Variants in FAM193A observed in about 807,000 individuals in gnomAD.
The protein encoded by FAM193A is protein FAM193A.
Under a neutral mutation model 126.5 loss-of-function variants are expected in FAM193A, and 22 were observed. The ratio of observed to expected loss-of-function variants is 0.17; its 90% confidence interval spans 0.12 to 0.25. The LOEUF is 0.25. Ranked by LOEUF, FAM193A falls within the 10% of genes least tolerant of loss-of-function variation. FAM193A has a pLI of 1.00. For synonymous variants in FAM193A, 761 were observed against 646.8 expected, an observed-to-expected ratio of 1.18 and a Z score of -2.68; for missense variants, 1,675 against 1,672.8, an observed-to-expected ratio of 1.00 and a Z score of -0.02.
intron 12 of FAM193A, among the ~76,000 whole-genome samples, chr4:2,666,479 C>A (rs988948985): frequency 6.6e-6 from 1 of 152,114 alleles, no homozygotes; most frequent in Non-Finnish European, 1.5e-5. Context: ...AGTTTCCTAT[C>A]TTTGTGATGT....
chr4:2,670,158 T>G (rs1713627713), intron 12 of FAM193A, among the ~76,000 whole-genome samples: 1 of 152,196 alleles, frequency 6.6e-6, no homozygotes, highest in Non-Finnish European at 1.5e-5. Flanking sequence ...CTAGATCAGT[T>G]CCATTGCTCT....
chr4:2,578,672 C>T (rs550660925), intron 1 of FAM193A, among the ~76,000 whole-genome samples: 44 of 152,224 alleles, frequency 2.9e-4, no homozygotes, highest in African/African-American at 1.1e-3. Flanking sequence ...TACTAATAGC[C>T]TACTGTTGAC....
chr4:2,667,959 G>T (rs1448885106), intron 12 of FAM193A, among the ~76,000 whole-genome samples: 3 of 152,046 alleles, frequency 2.0e-5, no homozygotes, highest in Non-Finnish European at 4.4e-5. Context: ...GCTGGAGTGG[G>T]GTGGCATCAT....
intron 1 of FAM193A, among the ~76,000 whole-genome samples, chr4:2,570,973 TCA>T (rs1396457014): frequency 6.6e-6 from 1 of 152,140 alleles, no homozygotes; most frequent in Non-Finnish European, 1.5e-5. Flanking sequence ...TATTCAGGGT[TCA>T]CACACTCAGT....
chr4:2,667,102 T>C (rs930026202), intron 12 of FAM193A, among the ~76,000 whole-genome samples: 1 of 152,244 alleles, frequency 6.6e-6, no homozygotes, highest in Non-Finnish European at 1.5e-5. Context: ...ACCTAGATCC[T>C]GTTCTATGTG....
At chr4:2,651,294 C>T (rs1037726108) in intron 7 of FAM193A, among the ~76,000 whole-genome samples, 2 of 152,126 alleles carry the variant, frequency 1.3e-5, no homozygotes, top group African/African-American at 4.8e-5. Context: ...CATGCCATTG[C>T]ACTCCAGCCT....
intron 2 of FAM193A, among the ~76,000 whole-genome samples, chr4:2,611,590 A>G (rs950904427): frequency 6.6e-6 from 1 of 152,030 alleles, no homozygotes; most frequent in Non-Finnish European, 1.5e-5. Context: ...GCATTTTCTT[A>G]ACGACTTGTT....
chr4:2,679,389 T>C (rs1250565427), intron 13 of FAM193A, among the ~76,000 whole-genome samples: 3 of 137,986 alleles, frequency 2.2e-5, no homozygotes, highest in African/African-American at 8.7e-5. Flanking sequence ...TTTTTTTTTT[T>C]TTTTTTTTTT....
At chr4:2,559,664 A>G (rs565149292) in intron 1 of FAM193A, among the ~76,000 whole-genome samples, 1 of 151,910 alleles carries the variant, frequency 6.6e-6, no homozygotes, top group African/African-American at 2.4e-5. Context: ...CTGTGAACAC[A>G]CTCTGCTGCT....
intron 12 of FAM193A, 24 bp downstream of exon 12, chr4:2,663,312 C>T: frequency 6.6e-7 from 1 of 1,525,490 alleles, no homozygotes; most frequent in Non-Finnish European, 8.8e-7. Flanking sequence ...TGCTGTTTTG[C>T]CAAGGATCTC....
chr4:2,572,143 C>T (rs115921642), intron 1 of FAM193A, among the ~76,000 whole-genome samples: 3,443 of 137,702 alleles, frequency 0.025, 152 homozygotes, highest in African/African-American at 0.088. Context: ...CCAGCCTGGG[C>T]GACAAGGCCA....
chr4:2,563,729 C>G lies in FAM193A; in HGVS notation c.255+26559C>G, dbSNP rs577681523. Among the ~76,000 whole-genome samples, 30 of 152,306 alleles carry G rather than the reference C, an allele frequency of 2.0e-4. 1 individual carries two copies. In the South Asian group the frequency reaches 5.2e-3, roughly 26 times the overall value. ...CTCAGCAGAACTGGGAATCAACCCTCAAAGATTATTTGAAATCTGGATTTA... is the reference window on the plus strand; with the variant it reads ...CTCAGCAGAACTGGGAATCAACCCTGAAAGATTATTTGAAATCTGGATTTA... On this transcript the variant is annotated intron_variant, in intron 1 of 20. Coordinates refer to ENST00000637812, the MANE Select transcript of FAM193A (RefSeq NM_001366318.2).
At chr4:2,676,110 C>T (rs1714375194) in intron 13 of FAM193A, among the ~76,000 whole-genome samples, 1 of 152,142 alleles carries the variant, frequency 6.6e-6, no homozygotes, top group African/African-American at 2.4e-5. Flanking sequence ...ATTTCAGGAC[C>T]CTGCTTTCAG....
intron 19 of FAM193A, among the ~76,000 whole-genome samples, chr4:2,710,981 A>T (rs1316593642): frequency 1.3e-5 from 2 of 150,532 alleles, no homozygotes; most frequent in African/African-American, 4.9e-5. Context: ...CCTCCCAAGT[A>T]GCTGGGACTA....
intron 1 of FAM193A, among the ~76,000 whole-genome samples, chr4:2,567,968 A>G (rs1039059523): frequency 6.6e-6 from 1 of 152,250 alleles, no homozygotes; most frequent in East Asian, 1.9e-4. Context: ...TGTTGGGGTC[A>G]TGGCTTCTGC....
Position 2,646,693 on chromosome 4 carries a change from C to T in FAM193A, c.1172C>T (p.Thr391Ile), listed in dbSNP as rs1560517174. ...PALVSQIRLGTTTHDTCSEDT... is the reference protein window; with the variant it reads ...PALVSQIRLGITTHDTCSEDT... ...GGCCTTCTCTCTCCTAGGCTAGGAA[C>T]CACCACACACGACACCTGCAGTGAG... Residue 391 changes from threonine (T) to isoleucine (I), a missense_variant, in exon 7 of 21, where the codon ACC (threonine) becomes ATC (isoleucine). Physicochemically the swap from Thr to Ile is moderately conservative, Grantham distance 89. Coordinates refer to ENST00000637812, the MANE Select transcript of FAM193A (RefSeq NM_001366318.2). The T allele has an allele frequency of 1.9e-6, 3 of 1,606,360 alleles. No homozygotes were observed. The highest frequency in any genetic ancestry group is 1.1e-5 in the South Asian group (1 of 89,938).
chr4:2,595,546 A>G (rs1740807243), intron 1 of FAM193A, among the ~76,000 whole-genome samples: 1 of 152,300 alleles, frequency 6.6e-6, no homozygotes, highest in African/African-American at 2.4e-5. Context: ...GTGATAAGAG[A>G]TGAGCTCAGC....
intron 20 of FAM193A, among the ~76,000 whole-genome samples, chr4:2,727,702 T>G (rs1283970432): frequency 6.6e-6 from 1 of 152,240 alleles, no homozygotes; most frequent in African/African-American, 2.4e-5. Context: ...GCAGGGGCTC[T>G]CTCTACCTCT....
At chr4:2,659,369 G>C (rs879173447) in intron 8 of FAM193A, among the ~76,000 whole-genome samples, 189 bp from the exon 9 acceptor site, 1 of 152,130 alleles carries the variant, frequency 6.6e-6, no homozygotes, top group East Asian at 1.9e-4. Context: ...CCTGGTACCC[G>C]AGCCCTTTGC....
Sources: allele counts gnomAD v4.1 joint callset (sites outside exome capture counted in the v4.1 genomes callset), GRCh38; gene constraint gnomAD v4.1.1; transcripts MANE v1.5; gene names NCBI Gene and HGNC (gene_info 2026-07-23, HGNC 2026-07-21).